Variants in UGT1A9 observed in about 807,000 individuals in gnomAD.
The protein encoded by UGT1A9 is UDP glucuronosyltransferase family 1 member A9.
UGT1A9 carries 35 observed loss-of-function variants against 45.0 expected under a neutral mutation model. The ratio of observed to expected loss-of-function variants is 0.78; its 90% confidence interval spans 0.59 to 1.03. The LOEUF (loss-of-function observed/expected upper bound fraction) is 1.03. Among genes scored for constraint, UGT1A9 ranks in the 50% least tolerant of loss-of-function variants. The pLI is 0.00. For missense variants in UGT1A9, 687 were observed against 666.6 expected, an observed-to-expected ratio of 1.03 and a Z score of -0.34; for synonymous variants, 278 against 250.6, an observed-to-expected ratio of 1.11 and a Z score of -1.03.
At chr2:233,749,031 C>A (rs1694088347) in intron 1 of UGT1A9, among the ~76,000 whole-genome samples, 1 of 151,676 alleles carries the variant, frequency 6.6e-6, no homozygotes, top group African/African-American at 2.4e-5. Context: ...ATTTGGGGTT[C>A]ATTGATGTGG....
rs568443083 is a variant in UGT1A9 at position 233,748,107 on chromosome 2, A to G, written c.856-18927A>G. The G allele has an allele frequency of 6.5e-5, 105 of 1,612,400 alleles. 3 individuals are homozygous for G. The African/African-American group carries it at 1.3e-3, about 20-fold the overall frequency. ...CGGTGTTCGTGCCTTCATCCAATCA[A>G]TGTTCCAGGCAAAACAGTTTTTAAA... On this transcript the variant is annotated intron_variant, in intron 1 of 4. Coordinates refer to ENST00000354728, the MANE Select transcript of UGT1A9 (RefSeq NM_021027.3).
chr2:233,755,387 G>A lies in UGT1A9; in HGVS notation c.856-11647G>A, dbSNP rs28900392. On this transcript the variant is annotated intron_variant, in intron 1 of 4. Transcript: ENST00000354728. Reference sequence around the variant, plus strand: ...CGCCTGGAGGGCCGCCCCTTATGACGCAGCCACATCTCATTGGCCGAGGCC... The same window carrying A: ...CGCCTGGAGGGCCGCCCCTTATGACACAGCCACATCTCATTGGCCGAGGCC... 908 of 345,012 alleles carry A rather than the reference G, an allele frequency of 2.6e-3. 4 individuals are homozygous for A. Among genetic ancestry groups the A allele is most frequent in the African/African-American group, 0.018 (852 of 46,552 alleles). The allele number at this position is 345,012 out of a possible 1,614,324, so 21.4% of individuals were successfully genotyped here.
intron 1 of UGT1A9, among the ~76,000 whole-genome samples, chr2:233,684,847 A>G (rs866681909): frequency 5.9e-5 from 9 of 152,226 alleles, no homozygotes; most frequent in Middle Eastern, 3.2e-3. Flanking sequence ...TGGACACTGT[A>G]TAGTGTTCCT....
intron 1 of UGT1A9, among the ~76,000 whole-genome samples, chr2:233,738,130 C>T (rs1187217692): frequency 6.6e-6 from 1 of 152,186 alleles, no homozygotes; most frequent in Admixed American, 6.5e-5. Flanking sequence ...ATAAGGGGCC[C>T]TTATCCCTTC....
intron 1 of UGT1A9, among the ~76,000 whole-genome samples, chr2:233,756,539 T>G (rs1346299785): frequency 6.6e-6 from 1 of 152,226 alleles, no homozygotes; most frequent in Non-Finnish European, 1.5e-5. Context: ...TTTTCTTGAC[T>G]GCTAAAACAA....
chr2:233,684,037 C>T (rs45511895), intron 1 of UGT1A9, among the ~76,000 whole-genome samples: 4 of 152,108 alleles, frequency 2.6e-5, no homozygotes, highest in African/African-American at 9.7e-5. Flanking sequence ...GTTGCTAAAT[C>T]CAGGTGAAAC....
At chr2:233,760,105 A>G in intron 1 of UGT1A9, 1 of 1,175,844 alleles carries the variant, frequency 8.5e-7, no homozygotes, top group Non-Finnish European at 1.2e-6. Context: ...TTGCCTATTA[A>G]GAAACCTAAT....
chr2:233,712,856 C>T, intron 1 of UGT1A9: 12 of 1,553,654 alleles, frequency 7.7e-6, no homozygotes, highest in Non-Finnish European at 1.0e-5. Context: ...TAATAAGTAA[C>T]TGGAGGAGGG....
At chr2:233,745,643 G>C (rs1290211026) in intron 1 of UGT1A9, among the ~76,000 whole-genome samples, 1 of 151,416 alleles carries the variant, frequency 6.6e-6, no homozygotes, top group African/African-American at 2.4e-5. Context: ...CTGGCCGAGG[G>C]TAGAGTTCAG....
intron 1 of UGT1A9, among the ~76,000 whole-genome samples, chr2:233,676,892 G>T (rs1052192077): frequency 1.3e-5 from 2 of 152,094 alleles, no homozygotes; most frequent in Non-Finnish European, 1.5e-5. Flanking sequence ...TCATACATCT[G>T]TGCACGTATT....
Position 233,672,064 on chromosome 2 carries a change from G to T in UGT1A9, c.130G>T (p.Val44Leu). The part of the protein sequence containing the change: ...DGSHWFTMRS[V>L]VEKLILRGHE... The stretch of plus-strand genomic sequence containing the variant: ...GAGCCACTGGTTCACCATGAGGTCG[G>T]TGGTGGAGAAACTCATTCTCAGGGG... The change falls in exon 1 of 5, where the codon GTG becomes TTG. Residue 44 changes from valine to leucine, a missense_variant. By Grantham distance (32) the Val-to-Leu change is conservative. Transcript: ENST00000354728. 2 of 1,614,154 alleles carry T rather than the reference G, an allele frequency of 1.2e-6. No individual in the cohort carries two copies. Among genetic ancestry groups the T allele is most frequent in the Non-Finnish European group, 1.7e-6 (2 of 1,180,002 alleles).
At chr2:233,744,008 G>C in intron 1 of UGT1A9, 6 of 1,163,404 alleles carry the variant, frequency 5.2e-6, no homozygotes, top group Non-Finnish European at 6.7e-6. Context: ...CGGAGACCTG[G>C]GCCGCCTGGA....
chr2:233,738,751 A>G (rs1205771191), intron 1 of UGT1A9, among the ~76,000 whole-genome samples: 1 of 152,150 alleles, frequency 6.6e-6, no homozygotes, highest in Non-Finnish European at 1.5e-5. Context: ...ATGTGGTAGA[A>G]AAGAAAAACC....
At chr2:233,760,915 GT>G in intron 1 of UGT1A9, 1 of 1,614,180 alleles carries the variant, frequency 6.2e-7, no homozygotes, top group Non-Finnish European at 8.5e-7. Context: ...CCTGCAGCGG[GT>G]GAAGAACATG....
rs150697955 is a variant in UGT1A9 at position 233,712,999 on chromosome 2, C to G, written c.855+40210C>G. On this transcript the variant is annotated intron_variant, in intron 1 of 4. Transcript: ENST00000354728. The stretch of plus-strand genomic sequence containing the variant: ...TCGGTGGCTTCTGCTGAGATGGCCA[C>G]AGGACTCCAGGTTCCCCTGCCGCAG... 763 of 1,613,480 alleles carry G rather than the reference C, an allele frequency of 4.7e-4. 15 individuals are homozygous for G. In the South Asian group the frequency reaches 7.3e-3, roughly 15 times the overall value.
intron 1 of UGT1A9, chr2:233,692,193 G>C (rs1481987311): frequency 1.3e-5 from 2 of 152,356 alleles, no homozygotes. Flanking sequence ...GGTTGCTGAA[G>C]GTGTGGAGGG....
chr2:233,680,912 T>C (rs889091819), intron 1 of UGT1A9, among the ~76,000 whole-genome samples: 5 of 151,992 alleles, frequency 3.3e-5, no homozygotes, highest in African/African-American at 1.2e-4. Flanking sequence ...ACAATGTATC[T>C]GAGGAAAGCC....
chr2:233,675,570 C>A (rs1013799068), intron 1 of UGT1A9, among the ~76,000 whole-genome samples: 1 of 152,132 alleles, frequency 6.6e-6, no homozygotes, highest in East Asian at 1.9e-4. Flanking sequence ...GATCCAAATT[C>A]AAAGTTAGCT....
chr2:233,674,635 T>G (rs2074290934), intron 1 of UGT1A9, among the ~76,000 whole-genome samples: 1 of 123,470 alleles, frequency 8.1e-6, no homozygotes, highest in Non-Finnish European at 1.9e-5. Flanking sequence ...TCATTTATTT[T>G]GATTATAAAT....
Sources: gnomAD v4.1 joint callset for allele counts (sites outside exome capture counted in the v4.1 genomes callset) on GRCh38, gnomAD v4.1.1 for gene constraint, MANE v1.5 for transcripts, NCBI Gene and HGNC (gene_info 2026-07-23, HGNC 2026-07-21) for gene names.